RNF115: variants seen among roughly 807,000 people sequenced by gnomAD.
RNF115 encodes the protein E3 ubiquitin-protein ligase RNF115.
Under a neutral mutation model 39.2 loss-of-function variants are expected in RNF115, and 31 were observed. The observed-to-expected ratio is 0.79, with a 90% confidence interval of 0.59 to 1.07. The LOEUF is 1.07. Among genes scored for constraint, RNF115 ranks in the 50% least tolerant of loss-of-function variants. The pLI, the probability that RNF115 is intolerant of heterozygous loss-of-function variation, is 0.00. For synonymous variants in RNF115, 124 were observed against 131.0 expected, an observed-to-expected ratio of 0.95 and a Z score of 0.37; for missense variants, 384 against 381.7, an observed-to-expected ratio of 1.01 and a Z score of -0.05.
chr1:145,771,043 C>T (rs925630073), intron 4 of RNF115, among the ~76,000 whole-genome samples: 2 of 152,164 alleles, frequency 1.3e-5, no homozygotes, highest in Non-Finnish European at 2.9e-5. Context: ...AATCCTAATG[C>T]CTAATATATT....
intron 1 of RNF115, among the ~76,000 whole-genome samples, chr1:145,805,232 C>T (rs1276671499): frequency 6.6e-6 from 1 of 152,154 alleles, no homozygotes; most frequent in African/African-American, 2.4e-5. Flanking sequence ...ATTCAACTCA[C>T]AGCAGGAACA....
Position 145,751,548 on chromosome 1 carries a change from G to A in RNF115, c.501-38C>T, listed in dbSNP as rs1553712497. On this transcript the variant is annotated intron_variant, in intron 5 of 8. Coordinates refer to ENST00000582693, the MANE Select transcript of RNF115 (RefSeq NM_014455.4). ...TGAGATAGACAGCATTAGATGGAGT[G>A]ACCAGGCTCTGCCTTACACCACAGA... 2.7e-6 allele frequency: 4 copies of A among 1,478,090 alleles called. No individual in the cohort carries two copies. The South Asian group carries it at 3.6e-5, about 13-fold the overall frequency. The allele number at this position is 1,478,090 out of a possible 1,614,324, so 91.6% of individuals were successfully genotyped here. A position where few individuals can be genotyped will look rare whatever the true frequency, so the allele number is the denominator to read the frequency against.
chr1:145,808,105 A>C (rs1553721881), intron 1 of RNF115, among the ~76,000 whole-genome samples: 1 of 152,158 alleles, frequency 6.6e-6, no homozygotes, highest in East Asian at 1.9e-4. Flanking sequence ...CCACTGATGG[A>C]TACTCTGATT....
intron 5 of RNF115, among the ~76,000 whole-genome samples, chr1:145,752,478 C>A (rs904442538): frequency 2.6e-5 from 4 of 151,540 alleles, no homozygotes; most frequent in Non-Finnish European, 4.4e-5. Context: ...GACGGCCTTC[C>A]TGAGCCTGAA....
intron 1 of RNF115, among the ~76,000 whole-genome samples, chr1:145,804,498 T>C (rs369285277): frequency 3.0e-5 from 2 of 66,156 alleles, no homozygotes; most frequent in African/African-American, 7.0e-5. Flanking sequence ...CATGCATGCA[T>C]GCACACACAC....
chr1:145,750,514 G>GA lies in RNF115; in HGVS notation c.574-15dup. 3 of 1,604,076 alleles carry GA rather than the reference G, an allele frequency of 1.9e-6. No individual in the cohort carries two copies. Among genetic ancestry groups the GA allele is most frequent in the Non-Finnish European group, 2.6e-6 (3 of 1,171,258 alleles). On this transcript the variant is annotated splice_polypyrimidine_tract_variant and intron_variant, in intron 6 of 8. Transcript: ENST00000582693. Reference sequence around the variant, plus strand: ...TTGTCCTAAAAGCTACAAAAAAAGAGAAAGAAAAAGACGAAGTGGCAGACA... The same window carrying GA: ...TTGTCCTAAAAGCTACAAAAAAAGAGAAAAGAAAAAGACGAAGTGGCAGACA...
chr1:145,761,617 C>T (rs1435306287), intron 4 of RNF115, among the ~76,000 whole-genome samples: 3 of 152,264 alleles, frequency 2.0e-5, no homozygotes, highest in Non-Finnish European at 4.4e-5. Context: ...TGTATGGAAA[C>T]ACCCGGATGC....
chr1:145,802,724 A>C (rs1317972520), intron 1 of RNF115, among the ~76,000 whole-genome samples: 1 of 152,186 alleles, frequency 6.6e-6, no homozygotes, highest in Non-Finnish European at 1.5e-5. Context: ...CCACAATTTT[A>C]AGTTAGTCAC....
At chr1:145,775,564 TA>T (rs55992607) in intron 3 of RNF115, among the ~76,000 whole-genome samples, 7,633 of 147,696 alleles carry the variant, frequency 0.052, 547 homozygotes, top group African/African-American at 0.16. Flanking sequence ...CTCAGCTAAT[TA>T]AAAAAAAAAA....
At chr1:145,812,791 T>A (rs3118881) in intron 1 of RNF115, among the ~76,000 whole-genome samples, 13 of 152,144 alleles carry the variant, frequency 8.5e-5, no homozygotes, top group South Asian at 2.1e-4. Flanking sequence ...TATCTTTTTT[T>A]AATTTTTTTT....
At position 145,748,043 on chromosome 1, in the gene RNF115, A is replaced by G; in HGVS notation, c.735T>C (p.Pro245=). The G allele has an allele frequency of 1.2e-6, 2 of 1,613,880 alleles. No homozygotes were observed. The highest frequency in any genetic ancestry group is 8.5e-7 in the Non-Finnish European group (1 of 1,179,790). ...YTVEEEVRQL[P]CNHFFHSSCI... ...AACTGCTGTGAAAGAAGTGATTGCA[A>G]GGTAACTGCCGGACTTCCTCTTCAA... Residue 245 remains proline (P), a synonymous_variant, in exon 8 of 9, where the codon CCT becomes CCC. Coordinates refer to ENST00000582693, the MANE Select transcript of RNF115 (RefSeq NM_014455.4).
chr1:145,823,353 CG>C (rs1489345405), intron 1 of RNF115, among the ~76,000 whole-genome samples: 1 of 65,112 alleles, frequency 1.5e-5, no homozygotes. Context: ...AGGGAGGTGG[CG>C]GGGGCGGTGG....
intron 3 of RNF115, among the ~76,000 whole-genome samples, chr1:145,775,881 C>T (rs587664374): frequency 6.6e-6 from 1 of 151,956 alleles, no homozygotes; most frequent in African/African-American, 2.4e-5. Flanking sequence ...GCCTGTAGTC[C>T]CAGCTACTCA....
intron 1 of RNF115, among the ~76,000 whole-genome samples, chr1:145,804,992 A>G (rs1649403727): frequency 6.6e-6 from 1 of 152,184 alleles, no homozygotes; most frequent in Non-Finnish European, 1.5e-5. Context: ...TCAAATTAAA[A>G]AATTGGAAAC....
chr1:145,806,165 G>A (rs1362839246), intron 1 of RNF115, among the ~76,000 whole-genome samples: 1 of 151,950 alleles, frequency 6.6e-6, no homozygotes, highest in Non-Finnish European at 1.5e-5. Context: ...CTGGCCAACA[G>A]GGTGAAACCC....
At chr1:145,756,330 C>T (rs1241913374) in intron 4 of RNF115, among the ~76,000 whole-genome samples, 1 of 152,022 alleles carries the variant, frequency 6.6e-6, no homozygotes, top group East Asian at 1.9e-4. Context: ...CATGGTGGCA[C>T]ACACCTGTAA....
intron 7 of RNF115, among the ~76,000 whole-genome samples, chr1:145,749,176 T>C (rs745719387): frequency 5.7e-4 from 87 of 152,060 alleles, no homozygotes; most frequent in Non-Finnish European, 5.3e-4. Flanking sequence ...GATAAGGCAT[T>C]TGGAGCAGTA....
chr1:145,818,155 A>G (rs1462367857), intron 1 of RNF115, among the ~76,000 whole-genome samples: 1 of 151,886 alleles, frequency 6.6e-6, no homozygotes, highest in African/African-American at 2.4e-5. Flanking sequence ...GTTCCGTTTT[A>G]AGTTCTTTGG....
At chr1:145,806,958 C>G (rs1649491299) in intron 1 of RNF115, among the ~76,000 whole-genome samples, 2 of 152,260 alleles carry the variant, frequency 1.3e-5, no homozygotes, top group Admixed American at 1.3e-4. Flanking sequence ...GTACGCGCCA[C>G]TGCGCCCAGC....
Sources: gnomAD v4.1 joint callset for allele counts (sites outside exome capture counted in the v4.1 genomes callset) on GRCh38, gnomAD v4.1.1 for gene constraint, MANE v1.5 for transcripts, NCBI Gene and HGNC (gene_info 2026-07-23, HGNC 2026-07-21) for gene names.